The following TM9SF2 variants were observed in gnomAD, a reference collection of about 807,000 sequenced individuals.
The protein encoded by TM9SF2 is 76 kDa membrane protein.
TM9SF2 carries 13 observed loss-of-function variants against 84.9 expected under a neutral mutation model. That is an observed-to-expected ratio of 0.15 (90% CI 0.10 to 0.24). The LOEUF is 0.24. Among genes scored for constraint, TM9SF2 ranks in the 10% least tolerant of loss-of-function variants. The pLI, the probability that TM9SF2 is intolerant of heterozygous loss-of-function variation, is 1.00. For synonymous variants in TM9SF2, 273 were observed against 285.8 expected, an observed-to-expected ratio of 0.96 and a Z score of 0.45; for missense variants, 562 against 818.5, an observed-to-expected ratio of 0.69 and a Z score of 3.82.
intron 1 of TM9SF2, among the ~76,000 whole-genome samples, chr13:99,508,401 CA>C (rs1396325243): frequency 1.4e-5 from 1 of 71,654 alleles, no homozygotes; most frequent in Non-Finnish European, 2.5e-5. Context: ...AAAAGGCAAA[CA>C]AAACACACAC....
chr13:99,503,879 TC>T (rs1237976617), intron 1 of TM9SF2, among the ~76,000 whole-genome samples: 2 of 152,076 alleles, frequency 1.3e-5, no homozygotes, highest in East Asian at 3.9e-4. Context: ...ATCTTGGGAG[TC>T]ATTTTGGATG....
rs1012242218 is a variant in TM9SF2, at chr13:99,550,495, C to A, written c.1328+1273C>A. 4.6e-5 allele frequency among the ~76,000 whole-genome samples: 7 copies of A among 152,244 alleles called. No individual in the cohort carries two copies. In the East Asian group the frequency reaches 1.3e-3, roughly 29 times the overall value. On this transcript the variant is annotated intron_variant, in intron 12 of 16. Transcript: ENST00000376387. ...CCTTTTTTGGCTTCATAAAAATTAT[C>A]CTGTGCTGGTTCTTCTTTTATGTCT...
chr13:99,537,033 G>T (rs1466125900), intron 5 of TM9SF2, among the ~76,000 whole-genome samples: 1 of 152,086 alleles, frequency 6.6e-6, no homozygotes, highest in Non-Finnish European at 1.5e-5. Flanking sequence ...ATTACAAAAT[G>T]TACATAGTAG....
Position 99,553,959 on chromosome 13 carries a change from A to G in TM9SF2, c.1489-345A>G, listed in dbSNP as rs549530491. ...AGAACCAGCTGATTTCTTACAGTACATGTGTAATGAAAATGAAAAGCCTAA... is the reference window on the plus strand; with the variant it reads ...AGAACCAGCTGATTTCTTACAGTACGTGTGTAATGAAAATGAAAAGCCTAA... On this transcript the variant is annotated intron_variant, in intron 13 of 16. Transcript: ENST00000376387. Among the ~76,000 whole-genome samples, 12 of 152,354 alleles carry G rather than the reference A, an allele frequency of 7.9e-5. No homozygotes were observed. In the South Asian group the frequency reaches 2.5e-3, roughly 32 times the overall value.
At chr13:99,521,062 G>A (rs1053761670) in intron 3 of TM9SF2, among the ~76,000 whole-genome samples, 1 of 151,700 alleles carries the variant, frequency 6.6e-6, no homozygotes, top group Non-Finnish European at 1.5e-5. Context: ...TGTTTGTTTT[G>A]TATCTGTTCT....
rs995520741 is a variant in TM9SF2, at chr13:99,563,077, C to T, written c.*319C>T. 8 of 199,972 alleles carry T rather than the reference C, an allele frequency of 4.0e-5. No homozygotes were observed. Among genetic ancestry groups the T allele is most frequent in the Non-Finnish European group, 6.0e-5 (6 of 99,490 alleles). 12.4% of individuals were successfully genotyped at this position (199,972 alleles called of 1,614,324 possible). Reference sequence around the variant, plus strand: ...CTTCTAATGGCAGAATAGAGGAGGCCATATTAAATAATACTGATGAAAGGC... The same window carrying T: ...CTTCTAATGGCAGAATAGAGGAGGCTATATTAAATAATACTGATGAAAGGC... On this transcript the variant is annotated 3_prime_UTR_variant, in exon 17 of 17. Transcript: ENST00000376387.
chr13:99,510,365 C>T (rs2046108522), intron 1 of TM9SF2, among the ~76,000 whole-genome samples: 1 of 152,162 alleles, frequency 6.6e-6, no homozygotes, highest in Non-Finnish European at 1.5e-5. Flanking sequence ...ACACCCCATC[C>T]TCGGCACCAA....
rs1185170505 is a variant in TM9SF2 at position 99,541,678 on chromosome 13, A to G, written c.1017+11A>G. On this transcript the variant is annotated intron_variant, in intron 9 of 16. Coordinates refer to ENST00000376387, the MANE Select transcript of TM9SF2 (RefSeq NM_004800.3). ...CAGATGGACTCTACGGTAAGTGGAA[A>G]CATTTTAGTCTTTAGTCTGCCAAGG... The G allele has an allele frequency of 1.3e-6, 2 of 1,570,584 alleles. No individual in the cohort carries two copies. The highest frequency in any genetic ancestry group is 1.7e-6 in the Non-Finnish European group (2 of 1,145,610).
At chr13:99,528,745 G>A (rs1199175310) in intron 3 of TM9SF2, among the ~76,000 whole-genome samples, 1 of 152,192 alleles carries the variant, frequency 6.6e-6, no homozygotes, top group African/African-American at 2.4e-5. Flanking sequence ...AACATTGGCT[G>A]ACAGGTGGCA....
rs1274285700 is a variant in TM9SF2, at chr13:99,501,852, C to G, written c.171+75C>G. 2.6e-6 allele frequency: 4 copies of G among 1,532,338 alleles called. No homozygotes were observed. In the African/African-American group the frequency reaches 5.7e-5, roughly 22 times the overall value. 94.9% of individuals were successfully genotyped at this position (1,532,338 alleles called of 1,614,324 possible). ...GTCCCTATCCGGGGGAGCTGATCCTCGGGTGGGAGCGAGGGAAGGGGGCGT... is the reference window on the plus strand; with the variant it reads ...GTCCCTATCCGGGGGAGCTGATCCTGGGGTGGGAGCGAGGGAAGGGGGCGT... On this transcript the variant is annotated intron_variant, in intron 1 of 16. Transcript: ENST00000376387.
At chr13:99,532,113 G>A (rs191080611) in intron 4 of TM9SF2, among the ~76,000 whole-genome samples, 3 of 151,000 alleles carry the variant, frequency 2.0e-5, no homozygotes, top group African/African-American at 4.9e-5. Context: ...GTGCAGTGGC[G>A]CAATCTCGGC....
chr13:99,543,368 C>T (rs59006882), intron 9 of TM9SF2, among the ~76,000 whole-genome samples: 1,560 of 152,304 alleles, frequency 0.01, 33 homozygotes, highest in African/African-American at 0.036. Context: ...TTTTCTGTTA[C>T]ACTCACTGTG....
Position 99,559,548 on chromosome 13 carries a change from T to A in TM9SF2, c.1924+14T>A. ...TTCTTTTTACAGGTAAAATTATAAT[T>A]TAAGTGATTATTTTTATTTTGTAAG... On this transcript the variant is annotated intron_variant, in intron 16 of 16. Coordinates refer to ENST00000376387, the MANE Select transcript of TM9SF2 (RefSeq NM_004800.3). 6.4e-7 allele frequency: 1 copy of A among 1,565,200 alleles called. No individual in the cohort carries two copies. Among genetic ancestry groups the A allele is most frequent in the Non-Finnish European group, 8.6e-7 (1 of 1,157,392 alleles).
chr13:99,550,765 T>G (rs1435919287), intron 12 of TM9SF2, among the ~76,000 whole-genome samples: 3 of 152,174 alleles, frequency 2.0e-5, no homozygotes, highest in Admixed American at 1.3e-4. Flanking sequence ...TGAGCATTGT[T>G]TTCAGGTTTT....
At chr13:99,503,723 A>AAG (rs912533927) in intron 1 of TM9SF2, among the ~76,000 whole-genome samples, 1 of 151,076 alleles carries the variant, frequency 6.6e-6, no homozygotes, top group African/African-American at 2.4e-5. Flanking sequence ...AAAAAAAAAA[A>AAG]AAAAAAAAAG....
chr13:99,556,193 A>G (rs1310594078), intron 15 of TM9SF2, among the ~76,000 whole-genome samples: 1 of 152,054 alleles, frequency 6.6e-6, no homozygotes, highest in Non-Finnish European at 1.5e-5. Flanking sequence ...TCTATATTGG[A>G]GAAAAAGCTA....
At chr13:99,554,154 G>A in intron 13 of TM9SF2, 150 bp from the exon 14 acceptor site, 1 of 901,278 alleles carries the variant, frequency 1.1e-6, no homozygotes, top group South Asian at 1.8e-5. Flanking sequence ...GGCTTCCAAA[G>A]ACAAATTTCA....
chr13:99,519,117 G>A (rs1361644993), intron 2 of TM9SF2, among the ~76,000 whole-genome samples: 1 of 152,130 alleles, frequency 6.6e-6, no homozygotes, highest in Non-Finnish European at 1.5e-5. Flanking sequence ...ATCTAAGTAT[G>A]TCTAAGAAAA....
intron 12 of TM9SF2, among the ~76,000 whole-genome samples, chr13:99,550,535 T>C (rs2046301321): frequency 6.6e-6 from 1 of 152,208 alleles, no homozygotes; most frequent in South Asian, 2.1e-4. Context: ...TCAACCCTTC[T>C]CTGATTGATG....
Sources: allele counts gnomAD v4.1 joint callset (sites outside exome capture counted in the v4.1 genomes callset), GRCh38; gene constraint gnomAD v4.1.1; transcripts MANE v1.5; gene names NCBI Gene and HGNC (gene_info 2026-07-23, HGNC 2026-07-21).